The following RNF6 variants were observed in gnomAD, a reference collection of about 807,000 sequenced individuals.
RNF6 encodes E3 ubiquitin-protein ligase RNF6.
RNF6 carries 21 observed loss-of-function variants against 50.1 expected under a neutral mutation model. That is an observed-to-expected ratio of 0.42 (90% confidence interval 0.30 to 0.60). RNF6 has a LOEUF of 0.60. RNF6 is among the 20% of genes least tolerant of loss of function. The pLI is 0.20. For synonymous variants in RNF6, 255 were observed against 291.8 expected (o/e 0.87, Z 1.29); for missense variants, 698 against 838.2 (o/e 0.83, Z 2.07).
At chr13:26,162,837 A>G (rs1872274322) in intron 5 of RNF6, among the ~76,000 whole-genome samples, 1 of 152,238 alleles carries the variant, frequency 6.6e-6, no homozygotes, top group Non-Finnish European at 1.5e-5. Flanking sequence ...ATGACAGTTT[A>G]TGGTTGACAC....
At chr13:26,200,780 A>G (rs1868869130) in intron 5 of RNF6, among the ~76,000 whole-genome samples, 1 of 152,182 alleles carries the variant, frequency 6.6e-6, no homozygotes, top group South Asian at 2.1e-4. Context: ...GGATAGTGTG[A>G]GCAGAGGAGA....
At chr13:26,194,098 T>C (rs1447595564) in intron 5 of RNF6, among the ~76,000 whole-genome samples, 1 of 152,102 alleles carries the variant, frequency 6.6e-6, no homozygotes, top group Non-Finnish European at 1.5e-5. Context: ...CCACATGAGA[T>C]TGGTAATAAT....
chr13:26,219,428 G>A (rs761908481), intron 3 of RNF6, 29 bp downstream of exon 3: 20 of 1,507,878 alleles, frequency 1.3e-5, no homozygotes, highest in Non-Finnish European at 1.7e-5. Flanking sequence ...GATGAAAAAA[G>A]GGTGTTTCCT....
intron 5 of RNF6, among the ~76,000 whole-genome samples, chr13:26,148,635 TA>T (rs1871383616): frequency 1.3e-5 from 1 of 76,982 alleles, no homozygotes; most frequent in African/African-American, 4.1e-5. Flanking sequence ...AATCTCTTTA[TA>T]TATATATATA....
rs190663819 is a variant in RNF6, at chr13:26,138,522, C to G, written n.769-6071G>C. ...TCCTCTCTAATTTGAAAGTCAAATG[C>G]ATAAAGCAATAATTATAAATCAGTG... On this transcript the variant is annotated intron_variant and non_coding_transcript_variant, in intron 5 of 5. Transcript: ENST00000468480. Among the ~76,000 whole-genome samples the G allele has an allele frequency of 2.5e-3, 376 of 152,042 alleles. 2 individuals are homozygous for G. Among genetic ancestry groups the G allele is most frequent in the African/African-American group, 8.6e-3 (357 of 41,474 alleles).
intron 5 of RNF6, among the ~76,000 whole-genome samples, chr13:26,199,547 TA>T (rs965872817): frequency 6.6e-6 from 1 of 152,112 alleles, no homozygotes; most frequent in Non-Finnish European, 1.5e-5. Flanking sequence ...TCATCAAGAT[TA>T]AAAACTATTT....
chr13:26,165,437 C>T (rs1872404767), intron 5 of RNF6, among the ~76,000 whole-genome samples: 1 of 152,270 alleles, frequency 6.6e-6, no homozygotes, highest in Non-Finnish European at 1.5e-5. Context: ...GCGGCACTGC[C>T]TAGTGGAGCT....
At chr13:26,145,441 A>C (rs1871173891) in intron 5 of RNF6, among the ~76,000 whole-genome samples, 1 of 83,286 alleles carries the variant, frequency 1.2e-5, no homozygotes, top group East Asian at 3.3e-4. Flanking sequence ...AGGTGACTGA[A>C]TCATGGGGAG....
Position 26,219,566 on chromosome 13 carries a change from T to A in RNF6, c.84A>T (p.Arg28Ser). 6.2e-7 allele frequency: 1 copy of A among 1,614,092 alleles called. No individual in the cohort carries two copies. The highest frequency in any genetic ancestry group is 8.5e-7 in the Non-Finnish European group (1 of 1,179,964). Residue 28 changes from arginine (R) to serine (S), a missense_variant, in exon 3 of 5, where the codon AGA (arginine) becomes AGT (serine). Arg to Ser is a moderately radical substitution (Grantham distance 110). Coordinates refer to ENST00000381588, the MANE Select transcript of RNF6 (RefSeq NM_005977.4). ...CTCTGTGGAGACGCTCTTGCTGCCA[T>A]CTTCTCTCATTTTCATGATGATTAT... ...QDHNHHENERRWQQERLHREE... is the reference protein window; with the variant it reads ...QDHNHHENERSWQQERLHREE...
intron 5 of RNF6, among the ~76,000 whole-genome samples, chr13:26,164,919 G>A (rs1032419316): frequency 5.0e-4 from 76 of 152,244 alleles, no homozygotes; most frequent in African/African-American, 1.6e-3. Flanking sequence ...TGCCATTTTC[G>A]GAGGAGAAAT....
In RNF6 at chr13:26,221,300, ATTGT is replaced by A. The variant is rs1251669615; in HGVS notation, c.-75_-72del. ...CATATGCCATGGTATCCATCCTTCA[ATTGT>A]TTGTGCCTTTTTTGAGAGCTGCCCA... On this transcript the variant is annotated 5_prime_UTR_variant, in exon 2 of 5. The change creates a premature stop within an existing upstream ORF in the 5' untranslated region. Transcript: ENST00000381588. The A allele has an allele frequency of 1.3e-5, 2 of 152,328 alleles. No individual in the cohort carries two copies. The highest frequency in any genetic ancestry group is 2.4e-5 in the African/African-American group (1 of 41,562). 9.4% of individuals were successfully genotyped at this position (152,328 alleles called of 1,614,324 possible).
At chr13:26,150,347 C>T (rs1432341110) in intron 5 of RNF6, among the ~76,000 whole-genome samples, 1 of 151,908 alleles carries the variant, frequency 6.6e-6, no homozygotes, top group Non-Finnish European at 1.5e-5. Flanking sequence ...CGATAGCTAG[C>T]GATTTTACAA....
At chr13:26,165,129 G>A (rs970459543) in intron 5 of RNF6, among the ~76,000 whole-genome samples, 1 of 152,150 alleles carries the variant, frequency 6.6e-6, no homozygotes, top group Non-Finnish European at 1.5e-5. Context: ...GGGACTCGGC[G>A]CCCTGCATTC....
At position 26,197,440 on chromosome 13, in the gene RNF6, C is replaced by T. The variant is rs116470063; in HGVS notation, n.768+18034G>A. 2.3e-3 allele frequency among the ~76,000 whole-genome samples: 347 copies of T among 152,120 alleles called. 6 individuals carry two copies. Among genetic ancestry groups the T allele is most frequent in the African/African-American group, 8.2e-3 (340 of 41,360 alleles). The stretch of plus-strand genomic sequence containing the variant: ...TAGAAAGCATAGGGCCTCTATCTCT[C>T]AGTCTCTGTGGAGGTAGAAGTCTAA... On this transcript the variant is annotated intron_variant and non_coding_transcript_variant, in intron 5 of 5. Transcript: ENST00000468480.
chr13:26,213,421 A>G lies in RNF6; in HGVS notation c.*403T>C, dbSNP rs1019100019. The G allele has an allele frequency of 6.5e-6, 1 of 154,788 alleles. No homozygotes were observed. The highest frequency in any genetic ancestry group is 2.4e-5 in the African/African-American group (1 of 41,532). The allele number at this position is 154,788 out of a possible 1,614,324, so 9.6% of individuals were successfully genotyped here. On this transcript the variant is annotated 3_prime_UTR_variant, in exon 5 of 5. Coordinates refer to ENST00000381588, the MANE Select transcript of RNF6 (RefSeq NM_005977.4). Reference sequence around the variant, plus strand: ...GTCCTTAAAATAAAAAGTTAATGAAAAGCTTATTTAGACACAAATGTCTAG... The same window carrying G: ...GTCCTTAAAATAAAAAGTTAATGAAGAGCTTATTTAGACACAAATGTCTAG...
rs1870566863 is a variant in RNF6 at position 26,222,020 on chromosome 13, C to G, written c.-119G>C. On this transcript the variant is annotated 5_prime_UTR_variant, in exon 1 of 5. Transcript: ENST00000381588. ...GAGCCCACCTCTCCAGGTCTTGGGC[C>G]TTCGCCCTCCTGTCCGGAGAACGTG... is the stretch of plus-strand genomic sequence containing the variant. The G allele has an allele frequency of 6.6e-6, 1 of 152,310 alleles. No individual in the cohort carries two copies. Among genetic ancestry groups the G allele is most frequent in the African/African-American group, 2.4e-5 (1 of 41,478 alleles). 9.4% of individuals were successfully genotyped at this position (152,310 alleles called of 1,614,324 possible). A position where few individuals can be genotyped will look rare whatever the true frequency, so the allele number is the denominator to read the frequency against.
At chr13:26,145,457 G>T (rs1394824878) in intron 5 of RNF6, among the ~76,000 whole-genome samples, 1 of 151,626 alleles carries the variant, frequency 6.6e-6, no homozygotes, top group African/African-American at 2.4e-5. Context: ...GGGAGGGGGG[G>T]GGACTTCCCC....
chr13:26,196,223 G>A (rs1000699288), intron 5 of RNF6, among the ~76,000 whole-genome samples: 4 of 152,078 alleles, frequency 2.6e-5, no homozygotes, highest in Admixed American at 2.0e-4. Context: ...AACATACACT[G>A]CTTCTCATCA....
rs762289906 is a variant in RNF6 at position 26,215,438 on chromosome 13, C to G, written c.444G>C (p.Arg148=). The change falls in exon 5 of 5, where the codon CGG becomes CGC. Residue 148 remains arginine, a synonymous_variant. Transcript: ENST00000381588. ...SRTNPNNGEF[R]FSLEIHVNHE... is the part of the protein sequence containing the mutation. ...GATTTACGTGGATTTCCAAACTAAACCGAAACTCTCCATTGTTCGGGTTTG... is the reference window on the plus strand; with the variant it reads ...GATTTACGTGGATTTCCAAACTAAAGCGAAACTCTCCATTGTTCGGGTTTG... 6.2e-7 allele frequency: 1 copy of G among 1,614,190 alleles called. No individual in the cohort carries two copies. Among genetic ancestry groups the G allele is most frequent in the Non-Finnish European group, 8.5e-7 (1 of 1,180,034 alleles).
Sources: allele counts gnomAD v4.1 joint callset (sites outside exome capture counted in the v4.1 genomes callset), GRCh38; gene constraint gnomAD v4.1.1; transcripts MANE v1.5; gene names NCBI Gene and HGNC (gene_info 2026-07-23, HGNC 2026-07-21).